Variants in ZSCAN12 observed in about 807,000 individuals in gnomAD.
ZSCAN12 encodes zinc finger and SCAN domain-containing protein 12.
ZSCAN12 carries 18 observed loss-of-function variants against 23.4 expected under a neutral mutation model. The ratio of observed to expected loss-of-function variants is 0.77; its 90% CI spans 0.53 to 1.14. The LOEUF (loss-of-function observed/expected upper bound fraction) is 1.14. Ranked by LOEUF, ZSCAN12 falls within the 50% of genes most tolerant of loss-of-function variation. ZSCAN12 has a pLI of 0.00. For synonymous variants in ZSCAN12, 186 were observed against 253.4 expected (o/e 0.73, Z 2.53); for missense variants, 650 against 735.0 (o/e 0.88, Z 1.34).
At chr6:28,394,864 A>G (rs1297131156) in intron 2 of ZSCAN12, among the ~76,000 whole-genome samples, 2 of 151,892 alleles carry the variant, frequency 1.3e-5, no homozygotes, top group Non-Finnish European at 2.9e-5. Context: ...CCAGTTTATT[A>G]TATCTAGTTG....
rs151124777 is a variant in ZSCAN12, at chr6:28,396,087, G to A, written c.402+1917C>T. On this transcript the variant is annotated intron_variant, in intron 2 of 3. Transcript: ENST00000684592. ...CAGGCTGGAGTGCAGTGGTATGATC[G>A]TGGTTCACTGCAGCCTCGATCTCCT... Among the ~76,000 whole-genome samples the A allele has an allele frequency of 4.9e-4, 73 of 147,580 alleles. No homozygotes were observed. In the East Asian group the frequency reaches 9.6e-3, roughly 19 times the overall value.
chr6:28,382,527 T>C (rs761830693), downstream of ZSCAN12: 43 of 1,551,978 alleles, frequency 2.8e-5, no homozygotes, highest in Non-Finnish European at 2.6e-6. Context: ...CATTCTGGAA[T>C]GAGAGAGCTC....
At chr6:28,383,496 G>A (rs1452386239), downstream of ZSCAN12, among the ~76,000 whole-genome samples, 1 of 151,990 alleles carries the variant, frequency 6.6e-6, no homozygotes. Flanking sequence ...GTGGTTGCCC[G>A]GCCGAACCCC....
downstream of ZSCAN12, chr6:28,382,450 G>C: frequency 6.5e-7 from 1 of 1,539,412 alleles, no homozygotes; most frequent in Non-Finnish European, 8.8e-7. Flanking sequence ...CTGATTCTTT[G>C]TTCTAGGCAC....
chr6:28,383,951 C>T (rs1591913), downstream of ZSCAN12, among the ~76,000 whole-genome samples: 53,785 of 152,046 alleles, frequency 0.35, 10,232 homozygotes, highest in African/African-American at 0.5. Flanking sequence ...TTGTAAAGCA[C>T]TAATGTGCCA....
At chr6:28,392,041 G>T (rs1228503278) in intron 3 of ZSCAN12, among the ~76,000 whole-genome samples, 1 of 152,082 alleles carries the variant, frequency 6.6e-6, no homozygotes, top group Non-Finnish European at 1.5e-5. Flanking sequence ...TTTTGTTTTT[G>T]AGCCATGTAC....
At position 28,385,729 on chromosome 6, in the gene ZSCAN12, G is replaced by A. The variant is rs1760509861; in HGVS notation, c.*4725C>T. On this transcript the variant is annotated 3_prime_UTR_variant, in exon 4 of 4. Transcript: ENST00000684592. ...AGCATTTAGTAATGTCTGGCCCTTAGTAAGCAGCTAATAAGTGTGCGGTAT... is the reference window on the plus strand; with the variant it reads ...AGCATTTAGTAATGTCTGGCCCTTAATAAGCAGCTAATAAGTGTGCGGTAT... 6.6e-6 allele frequency among the ~76,000 whole-genome samples: 1 copy of A among 152,196 alleles called. No homozygotes were observed. Among genetic ancestry groups the A allele is most frequent in the African/African-American group, 2.4e-5 (1 of 41,456 alleles).
At position 28,389,213 on chromosome 6, in the gene ZSCAN12, T is replaced by A. The variant is rs1444970077; in HGVS notation, c.*1241A>T. ...GAAGAGCACCAGGCCCTCCCCTAAA[T>A]AAACAAACAACACAAGGCCTTGCAC... is the stretch of plus-strand genomic sequence containing the variant. On this transcript the variant is annotated 3_prime_UTR_variant, in exon 4 of 4. Transcript: ENST00000684592. Among the ~76,000 whole-genome samples the A allele has an allele frequency of 6.6e-6, 1 of 152,098 alleles. No individual in the cohort carries two copies. Among genetic ancestry groups the A allele is most frequent in the Non-Finnish European group, 1.5e-5 (1 of 68,004 alleles).
At position 28,394,496 on chromosome 6, in the gene ZSCAN12, G is replaced by A. The variant is rs372094220; in HGVS notation, c.403-1450C>T. Among the ~76,000 whole-genome samples, 66 of 152,214 alleles carry A rather than the reference G, an allele frequency of 4.3e-4. 4 individuals carry two copies. In the East Asian group the frequency reaches 4.6e-3, roughly 11 times the overall value. ...TGCTATCTCAGATGTATAGAAAACG[G>A]TGTTTTGATATCTCATATTTTGAAA... On this transcript the variant is annotated intron_variant, in intron 2 of 3. Transcript: ENST00000684592.
At chr6:28,383,942 T>C (rs1760419779), downstream of ZSCAN12, among the ~76,000 whole-genome samples, 1 of 152,200 alleles carries the variant, frequency 6.6e-6, no homozygotes, top group South Asian at 2.1e-4. Flanking sequence ...AAATAGCAGT[T>C]GTAAAGCACT....
At chr6:28,392,816 C>A (rs1760916332) in intron 3 of ZSCAN12, 86 bp downstream of exon 3, 1 of 1,437,398 alleles carries the variant, frequency 7.0e-7, no homozygotes, top group Non-Finnish European at 9.4e-7. Context: ...CTTTAATGAT[C>A]AGAAACAGTA....
In ZSCAN12 at chr6:28,388,342, T is replaced by G. The variant is rs894358989; in HGVS notation, c.*2112A>C. 1.3e-5 allele frequency among the ~76,000 whole-genome samples: 2 copies of G among 152,242 alleles called. No individual in the cohort carries two copies. The highest frequency in any genetic ancestry group is 2.4e-5 in the African/African-American group (1 of 41,468). The stretch of plus-strand genomic sequence containing the variant: ...AGGTTTTTCCACACAGAAAGTCATG[T>G]AAGTTCCAATCCCAGAAGCCAATTT... On this transcript the variant is annotated 3_prime_UTR_variant, in exon 4 of 4. Coordinates refer to ENST00000684592, the MANE Select transcript of ZSCAN12 (RefSeq NM_001163391.2).
chr6:28,397,976 C>T (rs1761197194), intron 2 of ZSCAN12, 28 bp downstream of exon 2: 1 of 1,527,756 alleles, frequency 6.5e-7, no homozygotes, highest in Admixed American at 2.2e-5. Context: ...TATGTTTTCT[C>T]AAGCAGAAGT....
Position 28,390,775 on chromosome 6 carries a change from C to T in ZSCAN12, c.1515G>A (p.Ala505=), listed in dbSNP as rs781127145. ...RPYKCDKCGK[A]FTQRSVLTEH... ...CCGTGAGGACTGATCTTTGAGTAAA[C>T]GCCTTCCCACACTTATCACATTTAT... The change falls in exon 4 of 4, where the codon GCG becomes GCA. Residue 505 remains alanine (A), a synonymous_variant. Transcript: ENST00000684592. The T allele has an allele frequency of 2.8e-5, 45 of 1,604,428 alleles. No individual in the cohort carries two copies. Among genetic ancestry groups the T allele is most frequent in the East Asian group, 4.5e-5 (2 of 44,528 alleles).
rs1220634234 is a variant in ZSCAN12, at chr6:28,391,091, A to G, written c.1199T>C (p.Ile400Thr). Residue 400 changes from isoleucine (I) to threonine (T), a missense_variant, in exon 4 of 4, where the codon ATA becomes ACA. Transcript: ENST00000684592. The surrounding 1 kb of genome is among the most constrained non-coding windows in gnomAD (Gnocchi z 4.1). The stretch of plus-strand genomic sequence containing the variant: ...ATGAACTCCTTGATGCTGAGTAAGT[A>G]TGGAACGCCGACTAAAACTTTTATT... ...QCNKSFSRRSILTQHQGVHTG... is the reference protein window; with the variant it reads ...QCNKSFSRRSTLTQHQGVHTG... The G allele has an allele frequency of 6.4e-7, 1 of 1,552,364 alleles. No homozygotes were observed. The highest frequency in any genetic ancestry group is 8.7e-7 in the Non-Finnish European group (1 of 1,147,196).
chr6:28,386,696 T>C lies in ZSCAN12; in HGVS notation c.*3758A>G, dbSNP rs1371708044. Among the ~76,000 whole-genome samples the C allele has an allele frequency of 6.6e-6, 1 of 152,268 alleles. No individual in the cohort carries two copies. Among genetic ancestry groups the C allele is most frequent in the Non-Finnish European group, 1.5e-5 (1 of 68,048 alleles). ...GCCTTATTCTACTATATTTCCTCTT[T>C]ATCCTGGAAAGCTAGTTTAATCCTC... On this transcript the variant is annotated 3_prime_UTR_variant, in exon 4 of 4. Coordinates refer to ENST00000684592, the MANE Select transcript of ZSCAN12 (RefSeq NM_001163391.2).
chr6:28,382,579 C>T, downstream of ZSCAN12: 1 of 1,551,682 alleles, frequency 6.4e-7, no homozygotes, highest in Non-Finnish European at 8.7e-7. Context: ...AGTGATTTTT[C>T]AGAAGTATTT....
chr6:28,383,422 C>A (rs964289247), downstream of ZSCAN12, among the ~76,000 whole-genome samples: 2 of 152,070 alleles, frequency 1.3e-5, no homozygotes, highest in African/African-American at 4.8e-5. Flanking sequence ...TTTCACGTGC[C>A]GCTGCCGTCA....
At chr6:28,399,508 T>C (rs917452875) in intron 1 of ZSCAN12, 149 bp downstream of exon 1, 5 of 152,368 alleles carry the variant, frequency 3.3e-5, no homozygotes, top group Non-Finnish European at 5.9e-5. Flanking sequence ...CCAACGCACT[T>C]TGGGGAGGGA....
Sources: gnomAD v4.1 joint callset for allele counts (sites outside exome capture counted in the v4.1 genomes callset) on GRCh38, gnomAD v4.1.1 for gene constraint, Gnocchi (gnomAD v3.1) non-coding constraint, MANE v1.5 for transcripts, NCBI Gene and HGNC (gene_info 2026-07-23, HGNC 2026-07-21) for gene names.